The following RBFOX1 variants were observed in gnomAD, a reference collection of about 807,000 sequenced individuals.
The protein encoded by RBFOX1 is RNA binding protein fox-1 homolog 1.
A neutral mutation model predicts 57.7 loss-of-function variants in RBFOX1; 8 were observed. That is an observed-to-expected ratio of 0.14 (90% CI 0.08 to 0.25). The LOEUF (loss-of-function observed/expected upper bound fraction) is 0.25. Ranked by LOEUF, RBFOX1 falls within the 10% of genes least tolerant of loss-of-function variation. RBFOX1 has a pLI of 1.00. For synonymous variants in RBFOX1, 326 were observed against 222.4 expected (o/e 1.47, Z -4.15); for missense variants, 611 against 548.5 (o/e 1.11, Z -1.14).
chr16:5,552,753 C>A (rs1266748983), intron 2 of RBFOX1, among the ~76,000 whole-genome samples: 1 of 152,126 alleles, frequency 6.6e-6, no homozygotes, highest in African/African-American at 2.4e-5. Context: ...TAATGGCTTC[C>A]CTTTGCTCTG....
intron 4 of RBFOX1, among the ~76,000 whole-genome samples, chr16:7,225,879 T>C (rs1468831538): frequency 1.5e-5 from 2 of 134,868 alleles, no homozygotes; most frequent in Non-Finnish European, 3.0e-5. Flanking sequence ...ATTGTGCACA[T>C]GTACCCTAGA....
At chr16:6,893,358 GTCACAA>G (rs1567750749) in intron 3 of RBFOX1, among the ~76,000 whole-genome samples, 2 of 152,166 alleles carry the variant, frequency 1.3e-5, no homozygotes, top group African/African-American at 4.8e-5. Context: ...ACACGATCAA[GTCACAA>G]AAGCACAAGA....
intron 3 of RBFOX1, among the ~76,000 whole-genome samples, chr16:5,691,016 G>C (rs538420288): frequency 2.0e-5 from 3 of 152,184 alleles, no homozygotes; most frequent in Middle Eastern, 3.4e-3. Flanking sequence ...CTTTACCCCA[G>C]AACAAAATTT....
Position 7,699,896 on chromosome 16 carries a change from T to C in RBFOX1, c.996-9160T>C, listed in dbSNP as rs545717366. Reference sequence around the variant, plus strand: ...TTTGTGTGTCCCCAAGAACTGGTCATTTGGAGGTGGGGGATGTTCACCAGG... The same window carrying C: ...TTTGTGTGTCCCCAAGAACTGGTCACTTGGAGGTGGGGGATGTTCACCAGG... On this transcript the variant is annotated intron_variant, in intron 14 of 15. Transcript: ENST00000550418. Among the ~76,000 whole-genome samples, 8 of 152,218 alleles carry C rather than the reference T, an allele frequency of 5.3e-5. No individual in the cohort carries two copies. The South Asian group carries it at 1.2e-3, about 24-fold the overall frequency.
rs543874778 is a variant in RBFOX1 at position 6,266,727 on chromosome 16, G to C, written c.-126-50268G>C. Reference sequence around the variant, plus strand: ...AGACTCTGTCTAAAAAAAAAAAAAAGAAGAAGAAGAAGAAGAATCTATTTA... The same window carrying C: ...AGACTCTGTCTAAAAAAAAAAAAAACAAGAAGAAGAAGAAGAATCTATTTA... On this transcript the variant is annotated intron_variant, in intron 1 of 15. Transcript: ENST00000550418. Among the ~76,000 whole-genome samples, 3 of 149,536 alleles carry C rather than the reference G, an allele frequency of 2.0e-5. No homozygotes were observed. The East Asian group carries it at 5.9e-4, about 29-fold the overall frequency.
At chr16:7,446,192 A>T (rs2098806275) in intron 4 of RBFOX1, among the ~76,000 whole-genome samples, 1 of 152,238 alleles carries the variant, frequency 6.6e-6, no homozygotes, top group South Asian at 2.1e-4. Context: ...AATAACCAGC[A>T]GTTCTCCTGG....
At chr16:6,900,522 C>T (rs1393236908) in intron 3 of RBFOX1, among the ~76,000 whole-genome samples, 11 of 152,130 alleles carry the variant, frequency 7.2e-5, no homozygotes, top group African/African-American at 1.9e-4. Context: ...CTGGCCCTGC[C>T]CTTCTCTCAA....
At chr16:6,039,851 A>G (rs1345480038) in intron 1 of RBFOX1, among the ~76,000 whole-genome samples, 1 of 152,166 alleles carries the variant, frequency 6.6e-6, no homozygotes, top group Non-Finnish European at 1.5e-5. Context: ...GTGTCACCTG[A>G]AGGCTCAGCC....
At chr16:7,488,637 A>T (rs374162254) in intron 4 of RBFOX1, among the ~76,000 whole-genome samples, 2 of 151,490 alleles carry the variant, frequency 1.3e-5, no homozygotes, top group South Asian at 4.2e-4. Flanking sequence ...TTTACCTATC[A>T]CTCTATTTGT....
intron 4 of RBFOX1, among the ~76,000 whole-genome samples, chr16:7,108,459 C>T (rs185481676): frequency 6.6e-6 from 1 of 152,218 alleles, no homozygotes; most frequent in East Asian, 1.9e-4. Flanking sequence ...TTGATTCATC[C>T]ATTCATTGAT....
chr16:7,410,905 A>G (rs1002948399), intron 4 of RBFOX1, among the ~76,000 whole-genome samples: 1 of 151,326 alleles, frequency 6.6e-6, no homozygotes, highest in Non-Finnish European at 1.5e-5. Flanking sequence ...AATAAGTTCC[A>G]TCGATCTACT....
chr16:6,035,654 C>T (rs182880531), intron 1 of RBFOX1, among the ~76,000 whole-genome samples: 24 of 152,308 alleles, frequency 1.6e-4, no homozygotes, highest in African/African-American at 5.3e-4. Context: ...GCTCCCTGCA[C>T]GTGGCAGACA....
intron 3 of RBFOX1, among the ~76,000 whole-genome samples, chr16:6,669,037 T>A (rs139787643): frequency 6.6e-6 from 1 of 152,340 alleles, no homozygotes; most frequent in Non-Finnish European, 1.5e-5. Context: ...TGATGTGTGA[T>A]TGGGTGACTT....
chr16:5,936,123 T>C (rs2059163052), intron 4 of RBFOX1, among the ~76,000 whole-genome samples: 1 of 151,866 alleles, frequency 6.6e-6, no homozygotes, highest in Non-Finnish European at 1.5e-5. Context: ...GGAGGAATGG[T>C]GGTGGTGGTT....
rs117626734 is a variant in RBFOX1, at chr16:7,250,149, T to C, written c.27+198051T>C. Among the ~76,000 whole-genome samples the C allele has an allele frequency of 6.2e-3, 941 of 152,352 alleles. 36 individuals carry two copies. Among genetic ancestry groups the C allele is most frequent in the Admixed American group, 0.046 (708 of 15,300 alleles). ...TCATGTCTTTCAAGCCTTTTATTGA[T>C]TTTCGAGAGAAGTATCTTTATGTTT... On this transcript the variant is annotated intron_variant, in intron 4 of 15. Coordinates refer to ENST00000550418, the MANE Select transcript of RBFOX1 (RefSeq NM_018723.4).
intron 1 of RBFOX1, among the ~76,000 whole-genome samples, chr16:5,347,217 G>A (rs941120450): frequency 6.6e-6 from 1 of 151,962 alleles, no homozygotes; most frequent in East Asian, 1.9e-4. Flanking sequence ...ATTTATTATT[G>A]CATGTCTCTT....
In RBFOX1 at chr16:6,943,678, A is replaced by G. The variant is rs1250340649; in HGVS notation, c.-15-108379A>G. ...AGCCAAGATTGCGTCACTGCACTCC[A>G]GCCTGGGCGAGAGAGTGAGACTCTG... On this transcript the variant is annotated intron_variant, in intron 3 of 15. Coordinates refer to ENST00000550418, the MANE Select transcript of RBFOX1 (RefSeq NM_018723.4). Among the ~76,000 whole-genome samples the G allele has an allele frequency of 9.9e-5, 15 of 151,206 alleles. 2 individuals carry two copies. Among genetic ancestry groups the G allele is most frequent in the Admixed American group, 9.9e-4 (15 of 15,156 alleles).
At chr16:7,336,820 A>C (rs773094666) in intron 4 of RBFOX1, among the ~76,000 whole-genome samples, 2 of 152,238 alleles carry the variant, frequency 1.3e-5, no homozygotes, top group Non-Finnish European at 2.9e-5. Context: ...TTTCTTTTGG[A>C]AGTTGGGCAC....
intron 2 of RBFOX1, among the ~76,000 whole-genome samples, chr16:6,363,213 A>G (rs2088924292): frequency 1.3e-5 from 2 of 152,326 alleles, no homozygotes; most frequent in Admixed American, 1.3e-4. Flanking sequence ...CTAATTTTGA[A>G]GACTTTTTTT....
Sources: gnomAD v4.1 joint callset for allele counts (sites outside exome capture counted in the v4.1 genomes callset) on GRCh38, gnomAD v4.1.1 for gene constraint, MANE v1.5 for transcripts, NCBI Gene and HGNC (gene_info 2026-07-23, HGNC 2026-07-21) for gene names.